Variants in EHD2 observed in about 807,000 individuals in gnomAD.
The protein encoded by EHD2 is EH domain containing 2.
EHD2 carries 27 observed loss-of-function variants against 41.0 expected under a neutral mutation model. The observed-to-expected ratio is 0.66, with a 90% CI of 0.49 to 0.91. The LOEUF (loss-of-function observed/expected upper bound fraction) is 0.91, where lower values mean the gene tolerates loss of function less well. EHD2 is among the 40% of genes least tolerant of loss of function. EHD2 has a pLI of 0.00. For synonymous variants in EHD2, 342 were observed against 341.0 expected (o/e 1.00, Z -0.03); for missense variants, 673 against 773.9 (o/e 0.87, Z 1.55).
At position 47,735,773 on chromosome 19, in the gene EHD2, C is replaced by T. The variant is rs539349272; in HGVS notation, c.916-596C>T. Among the ~76,000 whole-genome samples the T allele has an allele frequency of 3.6e-3, 543 of 151,886 alleles. 4 individuals are homozygous for T. The highest frequency in any genetic ancestry group is 6.0e-3 in the Non-Finnish European group (406 of 67,962). The stretch of plus-strand genomic sequence containing the variant: ...CAAAAAAATTAGCCGGGTGTGGTGG[C>T]GCATGCCTGTTAATCCCAACTACTT... On this transcript the variant is annotated intron_variant, in intron 4 of 5. Transcript: ENST00000263277.
At chr19:47,721,605 C>T (rs1973698048) in intron 3 of EHD2, among the ~76,000 whole-genome samples, 1 of 152,064 alleles carries the variant, frequency 6.6e-6, no homozygotes, top group Admixed American at 6.6e-5. Context: ...TGAGCCACCG[C>T]CCAGCCTATT....
At chr19:47,740,425 C>T (rs1004136255) in intron 5 of EHD2, among the ~76,000 whole-genome samples, 12 of 149,026 alleles carry the variant, frequency 8.1e-5, no homozygotes, top group Non-Finnish European at 1.5e-4. Context: ...AGTGACAGAG[C>T]GAGACCCTGT....
chr19:47,730,906 A>C (rs1973800730), intron 4 of EHD2, among the ~76,000 whole-genome samples: 1 of 152,140 alleles, frequency 6.6e-6, no homozygotes, highest in Non-Finnish European at 1.5e-5. Context: ...CAGGGAACAC[A>C]GATAAATTCC....
At position 47,741,091 on chromosome 19, in the gene EHD2, A is replaced by G. The variant is rs750068723; in HGVS notation, c.1291A>G (p.Met431Val). The change falls in exon 6 of 6, where the codon ATG becomes GTG. Residue 431 changes from methionine (M) to valine (V), a missense_variant. Met to Val is a conservative substitution (Grantham distance 21, BLOSUM62 1). Coordinates refer to ENST00000263277, the MANE Select transcript of EHD2 (RefSeq NM_014601.4). The surrounding 1 kb of genome is among the most constrained non-coding windows in gnomAD (Gnocchi z 4.5). ...TGTGGAGCGGGGACCTGACGAGGCC[A>G]TGGAGGACGGCGAGGAGGGCTCGGA... ...PFVERGPDEA[M>V]EDGEEGSDDE... The G allele has an allele frequency of 6.8e-6, 11 of 1,610,080 alleles. No homozygotes were observed.
At chr19:47,715,496 G>A (rs1973616166) in intron 1 of EHD2, among the ~76,000 whole-genome samples, 1 of 152,110 alleles carries the variant, frequency 6.6e-6, no homozygotes, top group Non-Finnish European at 1.5e-5. Context: ...GCATGTGTCT[G>A]GGTCCTTACT....
intron 5 of EHD2, among the ~76,000 whole-genome samples, chr19:47,740,061 T>C (rs1175348567): frequency 6.6e-6 from 1 of 151,988 alleles, no homozygotes; most frequent in Admixed American, 6.6e-5. Flanking sequence ...CTTCTGCATG[T>C]GTCAGTAAAG....
intron 3 of EHD2, among the ~76,000 whole-genome samples, chr19:47,722,488 G>A (rs772582338): frequency 6.6e-6 from 1 of 152,158 alleles, no homozygotes; most frequent in Non-Finnish European, 1.5e-5. Context: ...CCAGCTCCCC[G>A]GAGGAGCATA....
intron 3 of EHD2, among the ~76,000 whole-genome samples, chr19:47,721,560 C>T (rs993843990): frequency 6.6e-6 from 1 of 151,864 alleles, no homozygotes; most frequent in Admixed American, 6.6e-5. Context: ...GTGATCCACC[C>T]ACCTCGGCCT....
At chr19:47,738,174 G>A (rs542568390) in intron 5 of EHD2, among the ~76,000 whole-genome samples, 2 of 151,922 alleles carry the variant, frequency 1.3e-5, no homozygotes, top group Admixed American at 6.6e-5. Context: ...GAGCCACCAT[G>A]CCTGACCAAG....
In EHD2 at chr19:47,741,827, C is replaced by G. The variant is rs931938560; in HGVS notation, c.*395C>G. 2.7e-5 allele frequency: 13 copies of G among 473,378 alleles called. No individual in the cohort carries two copies. Among genetic ancestry groups the G allele is most frequent in the Non-Finnish European group, 5.4e-5 (13 of 238,778 alleles). 29.3% of individuals were successfully genotyped at this position (473,378 alleles called of 1,614,324 possible). A position where few individuals can be genotyped will look rare whatever the true frequency, so the allele number is the denominator to read the frequency against. ...CTGCCCTCATGGAAGGTGACGTTCC[C>G]AGGAGAGGGCACCTACACAGTCACG... On this transcript the variant is annotated 3_prime_UTR_variant, in exon 6 of 6. Coordinates refer to ENST00000263277, the MANE Select transcript of EHD2 (RefSeq NM_014601.4). The surrounding 1 kb of genome is among the most constrained non-coding windows in gnomAD (Gnocchi z 4.5).
intron 4 of EHD2, among the ~76,000 whole-genome samples, chr19:47,727,607 G>A (rs888245024): frequency 2.0e-5 from 3 of 151,656 alleles, no homozygotes; most frequent in African/African-American, 4.8e-5. Context: ...GCCAGGTGCG[G>A]TGGCTCACGC....
Position 47,742,022 on chromosome 19 carries a change from G to C in EHD2, c.*590G>C, listed in dbSNP as rs1325708128. ...ACATCCTCAGGTCTCGGGACCATGG[G>C]GGGCTCAGAGGGGAGACACACCTAC... On this transcript the variant is annotated 3_prime_UTR_variant, in exon 6 of 6. Transcript: ENST00000263277. 13 of 447,272 alleles carry C rather than the reference G, an allele frequency of 2.9e-5. No individual in the cohort carries two copies. In the East Asian group the frequency reaches 9.1e-4, roughly 31 times the overall value. 27.7% of individuals were successfully genotyped at this position (447,272 alleles called of 1,614,324 possible).
Position 47,741,956 on chromosome 19 carries a change from TC to T in EHD2, c.*526del, listed in dbSNP as rs1323634012. ...TAAACAGACCCCCTTCTGCTCCGCTTCCTCCTGCCCAGCCAGGCAACACCCT... is the reference window on the plus strand; with the variant it reads ...TAAACAGACCCCCTTCTGCTCCGCTTCTCCTGCCCAGCCAGGCAACACCCT... On this transcript the variant is annotated 3_prime_UTR_variant, in exon 6 of 6. Transcript: ENST00000263277. The surrounding 1 kb of genome is among the most constrained non-coding windows in gnomAD (Gnocchi z 4.5). The T allele has an allele frequency of 2.2e-6, 1 of 455,772 alleles. No homozygotes were observed. The allele number at this position is 455,772 out of a possible 1,614,324, so 28.2% of individuals were successfully genotyped here.
At chr19:47,714,228 G>A (rs915502852) in intron 1 of EHD2, among the ~76,000 whole-genome samples, 1 of 151,952 alleles carries the variant, frequency 6.6e-6, no homozygotes, top group Non-Finnish European at 1.5e-5. Flanking sequence ...ATGCCCTATC[G>A]GCCTTTGAGC....
intron 3 of EHD2, among the ~76,000 whole-genome samples, chr19:47,725,160 G>A (rs1973737054): frequency 6.6e-6 from 1 of 151,818 alleles, no homozygotes; most frequent in African/African-American, 2.4e-5. Flanking sequence ...AAGCACAGGG[G>A]GATCTCTTAG....
rs938431644 is a variant in EHD2 at position 47,738,419 on chromosome 19, C to T, written c.1080+1886C>T. On this transcript the variant is annotated intron_variant, in intron 5 of 5. Transcript: ENST00000263277. ...CCGGGTTCAAGCAATTATCCTGCCT[C>T]AGCCTCCCAAGTAGCTGAGATTACA... Among the ~76,000 whole-genome samples the T allele has an allele frequency of 2.6e-5, 4 of 152,070 alleles. No homozygotes were observed. In the East Asian group the frequency reaches 5.8e-4, roughly 22 times the overall value.
Position 47,719,345 on chromosome 19 carries a change from T to C in EHD2, c.502+739T>C, listed in dbSNP as rs954493244. Reference sequence around the variant, plus strand: ...CCTGGCTCTGCGTCTGGGCCACAGATGGGGCCGAGAAGGGGATGGGAAGGG... The same window carrying C: ...CCTGGCTCTGCGTCTGGGCCACAGACGGGGCCGAGAAGGGGATGGGAAGGG... On this transcript the variant is annotated intron_variant, in intron 3 of 5. Transcript: ENST00000263277. This position sits in a 1 kb window ranked among gnomAD's most constrained non-coding sequence, Gnocchi z 4.1. Among the ~76,000 whole-genome samples the C allele has an allele frequency of 6.7e-6, 1 of 149,476 alleles. No homozygotes were observed. The highest frequency in any genetic ancestry group is 1.5e-5 in the Non-Finnish European group (1 of 67,386).
At position 47,728,572 on chromosome 19, in the gene EHD2, T is replaced by C. The variant is rs200875852; in HGVS notation, c.915+2348T>C. On this transcript the variant is annotated intron_variant, in intron 4 of 5. Coordinates refer to ENST00000263277, the MANE Select transcript of EHD2 (RefSeq NM_014601.4). Reference sequence around the variant, plus strand: ...CTTTCTCTTTCTTTTTCTTTCTTTCTTTTTTTTTTTTTTTGAGACAGGGTC... The same window carrying C: ...CTTTCTCTTTCTTTTTCTTTCTTTCCTTTTTTTTTTTTTTGAGACAGGGTC... Among the ~76,000 whole-genome samples, 6 of 83,770 alleles carry C rather than the reference T, an allele frequency of 7.2e-5. No individual in the cohort carries two copies. The East Asian group carries it at 1.3e-3, about 17-fold the overall frequency. 55.0% of individuals were successfully genotyped at this position (83,770 alleles called of 152,430 possible).
rs557251321 is a variant in EHD2, at chr19:47,729,328, C to T, written c.915+3104C>T. ...GATCAGAGGTGGTGTGGGCTGTGTC[C>T]GGGAATCTGTGCTTTGTCCCTAGGG... is the stretch of plus-strand genomic sequence containing the variant. On this transcript the variant is annotated intron_variant, in intron 4 of 5. Transcript: ENST00000263277. Among the ~76,000 whole-genome samples, 4 of 152,138 alleles carry T rather than the reference C, an allele frequency of 2.6e-5. No homozygotes were observed. The South Asian group carries it at 6.2e-4, about 24-fold the overall frequency.
Sources: gnomAD v4.1 joint callset for allele counts (sites outside exome capture counted in the v4.1 genomes callset) on GRCh38, gnomAD v4.1.1 for gene constraint, Gnocchi (gnomAD v3.1) non-coding constraint, MANE v1.5 for transcripts, NCBI Gene and HGNC (gene_info 2026-07-23, HGNC 2026-07-21) for gene names.